The following LINGO2 variants were observed in gnomAD, a reference collection of about 807,000 sequenced individuals.
LINGO2 encodes the protein leucine rich repeat and Ig domain containing 2.
Under a neutral mutation model 30.6 loss-of-function variants are expected in LINGO2, and 14 were observed. The observed-to-expected ratio is 0.46, with a 90% CI of 0.30 to 0.72. The LOEUF (loss-of-function observed/expected upper bound fraction) is 0.72, where lower values mean the gene tolerates loss of function less well. Ranked by LOEUF, LINGO2 falls within the 30% of genes least tolerant of loss-of-function variation. The pLI is 0.07. For synonymous variants in LINGO2, 317 were observed against 288.5 expected (o/e 1.10, Z -1.00); for missense variants, 729 against 751.7 (o/e 0.97, Z 0.35).
At chr9:28,563,903 C>A (rs1263377185) in intron 1 of LINGO2, among the ~76,000 whole-genome samples, 3 of 152,040 alleles carry the variant, frequency 2.0e-5, no homozygotes, top group Non-Finnish European at 4.4e-5. Flanking sequence ...GATAGTTAGA[C>A]CCCTCCTACC....
intron 2 of LINGO2, among the ~76,000 whole-genome samples, chr9:28,419,895 AAT>A (rs1564188187): frequency 6.6e-6 from 1 of 152,068 alleles, no homozygotes; most frequent in Admixed American, 6.5e-5. Flanking sequence ...GGTGGCTGCC[AAT>A]ATAAAAGGTT....
intron 3 of LINGO2, among the ~76,000 whole-genome samples, chr9:28,362,956 T>A (rs1820509941): frequency 6.6e-6 from 1 of 152,242 alleles, no homozygotes; most frequent in African/African-American, 2.4e-5. Context: ...TTAAGGGAAC[T>A]GCTTATACAT....
chr9:28,610,483 C>T (rs1040402363), intron 1 of LINGO2, among the ~76,000 whole-genome samples: 6 of 152,060 alleles, frequency 3.9e-5, no homozygotes, highest in Admixed American at 6.6e-5. Context: ...GATGAAGTCA[C>T]GAGGATAGGG....
chr9:28,267,753 T>C (rs1822804797), intron 4 of LINGO2, among the ~76,000 whole-genome samples: 1 of 151,956 alleles, frequency 6.6e-6, no homozygotes, highest in South Asian at 2.1e-4. Context: ...CCTATATGGC[T>C]ACATGATCCC....
the LINGO2 span, among the ~76,000 whole-genome samples, chr9:29,073,689 G>A: frequency 6.6e-6 from 1 of 152,066 alleles, no homozygotes; most frequent in Non-Finnish European, 1.5e-5. Flanking sequence ...AAATACTACT[G>A]TCCAGTCTTT....
At chr9:29,080,935 G>C in the LINGO2 span, among the ~76,000 whole-genome samples, 1 of 151,950 alleles carries the variant, frequency 6.6e-6, no homozygotes, top group Non-Finnish European at 1.5e-5. Context: ...TTGATTTGGG[G>C]TGGATTGTTC....
chr9:28,597,090 T>C (rs1201053119), intron 1 of LINGO2, among the ~76,000 whole-genome samples: 1 of 152,176 alleles, frequency 6.6e-6, no homozygotes, highest in Non-Finnish European at 1.5e-5. Context: ...AAGATATTCT[T>C]CACGGGGTTG....
the LINGO2 span, among the ~76,000 whole-genome samples, chr9:29,009,534 C>T: frequency 3.2e-4 from 48 of 151,980 alleles, no homozygotes; most frequent in Non-Finnish European, 5.4e-4. Flanking sequence ...TAAAAGAGGA[C>T]ACAAACAAAT....
chr9:28,774,816 T>G, the LINGO2 span, among the ~76,000 whole-genome samples: 1 of 149,688 alleles, frequency 6.7e-6, no homozygotes, highest in South Asian at 2.1e-4. Context: ...AAATTGTGGG[T>G]TTTTCAAATC....
the LINGO2 span, among the ~76,000 whole-genome samples, chr9:28,823,843 A>T: frequency 6.6e-6 from 1 of 152,132 alleles, no homozygotes; most frequent in Admixed American, 6.5e-5. Flanking sequence ...GTACAGTCTC[A>T]TTGTTCTCAG....
intron 2 of LINGO2, among the ~76,000 whole-genome samples, chr9:28,391,898 A>G (rs1336595709): frequency 6.6e-6 from 1 of 152,198 alleles, no homozygotes; most frequent in Admixed American, 6.5e-5. Context: ...TGCTGAATCC[A>G]TAATTATGTC....
intron 1 of LINGO2, among the ~76,000 whole-genome samples, chr9:28,619,548 T>C (rs1826298245): frequency 6.6e-6 from 1 of 152,184 alleles, no homozygotes; most frequent in Admixed American, 6.5e-5. Flanking sequence ...ATTCAATTAA[T>C]AGTACATTTT....
chr9:28,976,306 A>T, the LINGO2 span, among the ~76,000 whole-genome samples: 1 of 152,158 alleles, frequency 6.6e-6, no homozygotes, highest in East Asian at 1.9e-4. Flanking sequence ...GATCTCAGCT[A>T]TACTTTTCTC....
At chr9:28,287,330 T>C (rs1823549545) in intron 4 of LINGO2, among the ~76,000 whole-genome samples, 1 of 152,222 alleles carries the variant, frequency 6.6e-6, no homozygotes, top group South Asian at 2.1e-4. Flanking sequence ...CCAGAGGTGT[T>C]AATGTGCTCC....
intron 4 of LINGO2, among the ~76,000 whole-genome samples, chr9:28,179,257 T>C (rs1448957532): frequency 2.7e-5 from 4 of 147,114 alleles, no homozygotes; most frequent in Admixed American, 6.9e-5. Context: ...TAATACTATA[T>C]AGATACTATA....
chr9:28,310,655 G>T (rs998102890), intron 3 of LINGO2, among the ~76,000 whole-genome samples: 1 of 152,094 alleles, frequency 6.6e-6, no homozygotes, highest in Non-Finnish European at 1.5e-5. Flanking sequence ...CTGCAGTGAT[G>T]GTTTCATGGG....
chr9:28,399,921 ATAAT>A (rs774570212), intron 2 of LINGO2, among the ~76,000 whole-genome samples: 1 of 152,346 alleles, frequency 6.6e-6, no homozygotes, highest in East Asian at 1.9e-4. Flanking sequence ...ATCAATATAA[ATAAT>A]TACTTAACTA....
chr9:28,382,774 C>T (rs1821404645), intron 2 of LINGO2, among the ~76,000 whole-genome samples: 1 of 151,880 alleles, frequency 6.6e-6, no homozygotes, highest in African/African-American at 2.4e-5. Context: ...GTTACTTGTC[C>T]CCATGATTCA....
intron 1 of LINGO2, among the ~76,000 whole-genome samples, chr9:28,501,757 TTTA>T (rs1157756792): frequency 6.6e-6 from 1 of 152,078 alleles, no homozygotes; most frequent in Non-Finnish European, 1.5e-5. Flanking sequence ...TTAGCAGAAA[TTTA>T]TACCTAATAT....
Sources: gnomAD v4.1 joint callset for allele counts (sites outside exome capture counted in the v4.1 genomes callset) on GRCh38, gnomAD v4.1.1 for gene constraint, MANE v1.5 for transcripts, NCBI Gene and HGNC (gene_info 2026-07-23, HGNC 2026-07-21) for gene names.